GKAP1: variants seen among roughly 807,000 people sequenced by gnomAD.
GKAP1 encodes G kinase anchoring protein 1.
Under a neutral mutation model 56.7 loss-of-function variants are expected in GKAP1, and 31 were observed. The ratio of observed to expected loss-of-function variants is 0.55; its 90% CI spans 0.41 to 0.74. The LOEUF is 0.74. GKAP1 is among the 30% of genes least tolerant of loss of function. GKAP1 has a pLI of 0.00. For synonymous variants in GKAP1, 151 were observed against 138.6 expected (o/e 1.09, Z -0.63); for missense variants, 364 against 402.3 (o/e 0.90, Z 0.82).
chr9:83,804,404 T>A (rs1277562080), intron 3 of GKAP1, among the ~76,000 whole-genome samples: 2 of 77,018 alleles, frequency 2.6e-5, no homozygotes, highest in South Asian at 4.8e-4. Flanking sequence ...GTGGGGGGGG[T>A]CAGCCCCCCG....
At position 83,740,493 on chromosome 9, in the gene GKAP1, C is replaced by A. The variant is rs1943189202; in HGVS notation, c.1054-749G>T. Among the ~76,000 whole-genome samples, 4 of 152,248 alleles carry A rather than the reference C, an allele frequency of 2.6e-5. No individual in the cohort carries two copies. The South Asian group carries it at 8.3e-4, about 32-fold the overall frequency. ...TCATCAATAGCTACTCTACCCCCTT[C>A]AATTTAACCATAAATAATGGTTTAA... On this transcript the variant is annotated intron_variant, in intron 12 of 12. Coordinates refer to ENST00000376371, the MANE Select transcript of GKAP1 (RefSeq NM_025211.4).
intron 3 of GKAP1, among the ~76,000 whole-genome samples, chr9:83,800,592 C>T (rs1944316431): frequency 6.6e-6 from 1 of 152,164 alleles, no homozygotes. Flanking sequence ...ACCTCAGCCT[C>T]CCAAAAGTGT....
chr9:83,774,643 C>T (rs550726878), intron 7 of GKAP1, among the ~76,000 whole-genome samples: 3 of 148,872 alleles, frequency 2.0e-5, no homozygotes, highest in South Asian at 2.1e-4. Flanking sequence ...ACAAACGGGA[C>T]CTAGTTAAAC....
At chr9:83,804,259 GCCCCCCGCCCGGCCAGCCGCCCCA>G (rs1944388836) in intron 3 of GKAP1, among the ~76,000 whole-genome samples, 1 of 146,688 alleles carries the variant, frequency 6.8e-6, no homozygotes, top group African/African-American at 2.5e-5. Flanking sequence ...GGGGGGCTCA[GCCCCCCGCCCGGCCAGCCGCCCCA>G]TCTGGGAGGG....
At chr9:83,755,185 A>G (rs1353494625) in intron 8 of GKAP1, among the ~76,000 whole-genome samples, 2 of 152,230 alleles carry the variant, frequency 1.3e-5, no homozygotes, top group Non-Finnish European at 2.9e-5. Context: ...GGAAGTATCT[A>G]TGAAAAGTGT....
intron 10 of GKAP1, among the ~76,000 whole-genome samples, chr9:83,742,822 AC>A (rs1943231328): frequency 6.6e-6 from 1 of 152,202 alleles, no homozygotes; most frequent in Non-Finnish European, 1.5e-5. Flanking sequence ...CATCATCAGC[AC>A]AGCATTTTTT....
intron 9 of GKAP1, among the ~76,000 whole-genome samples, chr9:83,751,437 G>A (rs2131238738): frequency 6.6e-6 from 1 of 152,154 alleles, no homozygotes; most frequent in East Asian, 1.9e-4. Flanking sequence ...TAATCTACAA[G>A]CTTCTTGCTA....
chr9:83,765,167 A>G (rs1564195125), intron 8 of GKAP1, among the ~76,000 whole-genome samples: 1 of 152,200 alleles, frequency 6.6e-6, no homozygotes, highest in Non-Finnish European at 1.5e-5. Flanking sequence ...AGCCATGGCT[A>G]AAAATGGGGC....
At chr9:83,763,291 G>A (rs1304358198) in intron 8 of GKAP1, among the ~76,000 whole-genome samples, 3 of 152,296 alleles carry the variant, frequency 2.0e-5, no homozygotes, top group East Asian at 3.9e-4. Flanking sequence ...GCTGGGAAAC[G>A]CAGTGAGGGA....
intron 9 of GKAP1, among the ~76,000 whole-genome samples, chr9:83,752,661 G>A (rs1042217061): frequency 6.6e-6 from 1 of 152,068 alleles, no homozygotes; most frequent in Non-Finnish European, 1.5e-5. Flanking sequence ...TGTGTATAAA[G>A]GTACTTAATG....
chr9:83,800,293 A>T (rs927095059), intron 3 of GKAP1, among the ~76,000 whole-genome samples: 28 of 144,528 alleles, frequency 1.9e-4, no homozygotes, highest in Admixed American at 1.4e-3. Flanking sequence ...GGAGCAGTTT[A>T]AAAAAAAAAA....
intron 2 of GKAP1, among the ~76,000 whole-genome samples, chr9:83,806,763 G>A (rs894428286): frequency 3.3e-5 from 5 of 152,114 alleles, no homozygotes; most frequent in Non-Finnish European, 1.5e-5. Flanking sequence ...AGAAAAATAT[G>A]AGATTTCACA....
chr9:83,803,865 C>T (rs564269337), intron 3 of GKAP1, among the ~76,000 whole-genome samples: 38 of 151,022 alleles, frequency 2.5e-4, no homozygotes, highest in South Asian at 2.1e-3. Context: ...TCTGCCCGGC[C>T]GCCCATCGTC....
chr9:83,801,883 G>T (rs1944336692), intron 3 of GKAP1, among the ~76,000 whole-genome samples: 1 of 152,204 alleles, frequency 6.6e-6, no homozygotes, highest in African/African-American at 2.4e-5. Flanking sequence ...AAGTTACTGT[G>T]TGGATAGCAT....
rs1302386843 is a variant in GKAP1, at chr9:83,804,565, AG to A, written c.216+1736del. Among the ~76,000 whole-genome samples the A allele has an allele frequency of 7.3e-5, 7 of 96,440 alleles. 1 individual carries two copies. Among genetic ancestry groups the A allele is most frequent in the African/African-American group, 3.1e-4 (7 of 22,708 alleles). The allele number at this position is 96,440 out of a possible 152,430, so 63.3% of individuals were successfully genotyped here. A position where few individuals can be genotyped will look rare whatever the true frequency, so the allele number is the denominator to read the frequency against. On this transcript the variant is annotated intron_variant, in intron 3 of 12. Transcript: ENST00000376371. ...CGCCCAGCCAGACGCCCCGTCCGGG[AG>A]GGAGGTGGGGGGGTCAGCCCCCGGC...
chr9:83,776,252 G>C (rs544537232), intron 7 of GKAP1, among the ~76,000 whole-genome samples: 1 of 152,244 alleles, frequency 6.6e-6, no homozygotes, highest in Admixed American at 6.5e-5. Flanking sequence ...ACAAGGAAAG[G>C]CTTAGTAACA....
At chr9:83,796,236 A>G (rs1280626752) in intron 4 of GKAP1, among the ~76,000 whole-genome samples, 1 of 151,632 alleles carries the variant, frequency 6.6e-6, no homozygotes, top group Admixed American at 6.6e-5. Context: ...TCGGCCTATC[A>G]ACATAATCTC....
In GKAP1 at chr9:83,799,180, T is replaced by C; in HGVS notation, c.360+5A>G. ...AACAAAGCAATTTTATTTACTTAGT[T>C]GTACCTGCTCATCTCTTTGTCTCCA... On this transcript the variant is annotated splice_donor_5th_base_variant and intron_variant, in intron 4 of 12. Transcript: ENST00000376371. 1.2e-6 allele frequency: 2 copies of C among 1,612,804 alleles called. No individual in the cohort carries two copies. The highest frequency in any genetic ancestry group is 1.1e-5 in the South Asian group (1 of 90,840).
intron 3 of GKAP1, among the ~76,000 whole-genome samples, chr9:83,801,562 G>A (rs1031578756): frequency 6.6e-6 from 1 of 152,138 alleles, no homozygotes; most frequent in Admixed American, 6.5e-5. Context: ...GTAAGTAGCT[G>A]GTTTCTGATT....
Sources: allele counts gnomAD v4.1 joint callset (sites outside exome capture counted in the v4.1 genomes callset), GRCh38; gene constraint gnomAD v4.1.1; transcripts MANE v1.5; gene names NCBI Gene and HGNC (gene_info 2026-07-23, HGNC 2026-07-21).